The following RALYL variants were observed in gnomAD, a reference collection of about 807,000 sequenced individuals.
RALYL encodes RNA-binding Raly-like protein.
In RALYL, 29 loss-of-function variants were observed where a neutral mutation model predicts 35.1. That is an observed-to-expected ratio of 0.83 (90% CI 0.61 to 1.13). The LOEUF is 1.13. Among genes scored for constraint, RALYL ranks in the 50% most tolerant of loss-of-function variants. The pLI is 0.00. For synonymous variants in RALYL, 120 were observed against 127.6 expected, an observed-to-expected ratio of 0.94 and a Z score of 0.40; for missense variants, 359 against 360.4, an observed-to-expected ratio of 1.00 and a Z score of 0.03.
At chr8:84,346,482 T>A (rs1247232524) in intron 1 of RALYL, among the ~76,000 whole-genome samples, 2 of 152,118 alleles carry the variant, frequency 1.3e-5, no homozygotes, top group Non-Finnish European at 2.9e-5. Context: ...TAATGCTCTT[T>A]TTTTGAGATG....
chr8:84,862,735 A>G (rs1838377572), intron 6 of RALYL, among the ~76,000 whole-genome samples: 1 of 152,240 alleles, frequency 6.6e-6, no homozygotes, highest in African/African-American at 2.4e-5. Context: ...AGCTTGTGAT[A>G]TATTAAAGTA....
chr8:84,410,248 G>C (rs1436517791), intron 1 of RALYL, among the ~76,000 whole-genome samples: 2 of 151,868 alleles, frequency 1.3e-5, no homozygotes, highest in African/African-American at 4.8e-5. Context: ...CTAGGAATCT[G>C]TACTCTAGAA....
At chr8:84,857,340 T>A (rs1023889138) in intron 5 of RALYL, among the ~76,000 whole-genome samples, 14 of 152,194 alleles carry the variant, frequency 9.2e-5, no homozygotes, top group Admixed American at 7.2e-4. Flanking sequence ...AATATTTTTG[T>A]TAGCATCAAC....
intron 2 of RALYL, among the ~76,000 whole-genome samples, chr8:84,649,727 T>A (rs1828298678): frequency 6.6e-6 from 1 of 152,132 alleles, no homozygotes; most frequent in South Asian, 2.1e-4. Flanking sequence ...TGCCTCCAGC[T>A]TTGTTCTTTT....
At chr8:84,404,085 T>G (rs1320894098) in intron 1 of RALYL, among the ~76,000 whole-genome samples, 9 of 151,366 alleles carry the variant, frequency 5.9e-5, no homozygotes, top group Admixed American at 1.3e-4. Context: ...TCTGAGACAA[T>G]AGGGTTTCTA....
At chr8:84,735,833 AGAGAGAGAG>A (rs1847195325) in intron 2 of RALYL, among the ~76,000 whole-genome samples, 4 of 151,712 alleles carry the variant, frequency 2.6e-5, no homozygotes, top group African/African-American at 9.7e-5. Context: ...AGAGAGAGAG[AGAGAGAGAG>A]AGAGAGAACG....
intron 2 of RALYL, among the ~76,000 whole-genome samples, chr8:84,677,443 A>G (rs1238153627): frequency 6.6e-6 from 1 of 152,214 alleles, no homozygotes; most frequent in Non-Finnish European, 1.5e-5. Context: ...GGGAATAGGA[A>G]TAGATTACCT....
At chr8:84,257,731 A>G (rs1199237780) in intron 1 of RALYL, among the ~76,000 whole-genome samples, 1 of 152,114 alleles carries the variant, frequency 6.6e-6, no homozygotes, top group African/African-American at 2.4e-5. Context: ...TGATTGCATA[A>G]GCTATCTAAC....
chr8:84,659,628 A>G (rs1049664112), intron 2 of RALYL, among the ~76,000 whole-genome samples: 2 of 152,222 alleles, frequency 1.3e-5, no homozygotes, highest in Non-Finnish European at 2.9e-5. Flanking sequence ...AAGAAAGGCT[A>G]TAAAATATGT....
chr8:84,550,340 G>A (rs1343142303), intron 2 of RALYL, among the ~76,000 whole-genome samples: 1 of 151,976 alleles, frequency 6.6e-6, no homozygotes, highest in African/African-American at 2.4e-5. Context: ...AGATATCAAA[G>A]AAGTTGCTAC....
At chr8:84,665,493 T>C (rs1374702743) in intron 2 of RALYL, among the ~76,000 whole-genome samples, 1 of 152,158 alleles carries the variant, frequency 6.6e-6, no homozygotes, top group East Asian at 1.9e-4. Flanking sequence ...AACTCATTAT[T>C]GGTCTAGTCA....
intron 2 of RALYL, among the ~76,000 whole-genome samples, chr8:84,662,909 A>G (rs1049056384): frequency 3.9e-5 from 6 of 152,050 alleles, no homozygotes; most frequent in African/African-American, 1.2e-4. Flanking sequence ...TGCCATGGTG[A>G]TTAGCTGCAC....
chr8:84,698,367 T>C (rs914715319), intron 2 of RALYL, among the ~76,000 whole-genome samples: 7 of 152,136 alleles, frequency 4.6e-5, no homozygotes, highest in African/African-American at 1.4e-4. Context: ...GCTTACATTA[T>C]AAAGCTAACA....
intron 1 of RALYL, among the ~76,000 whole-genome samples, chr8:84,489,207 T>C (rs939378137): frequency 3.3e-5 from 5 of 152,082 alleles, no homozygotes; most frequent in African/African-American, 1.2e-4. Context: ...TATTGGCTTT[T>C]CTTTCTTTTT....
At chr8:84,397,631 T>C (rs2042475804) in intron 1 of RALYL, among the ~76,000 whole-genome samples, 2 of 152,202 alleles carry the variant, frequency 1.3e-5, no homozygotes, top group Non-Finnish European at 2.9e-5. Flanking sequence ...AGCTTCCTTT[T>C]AACTGAATCC....
At chr8:84,916,001 T>TTTC (rs1165083304) in intron 8 of RALYL, among the ~76,000 whole-genome samples, 5 of 152,142 alleles carry the variant, frequency 3.3e-5, no homozygotes, top group African/African-American at 1.2e-4. Context: ...AATCAGCCAT[T>TTTC]TTCTATAGTA....
At chr8:84,345,390 TTCA>T (rs1469542420) in intron 1 of RALYL, among the ~76,000 whole-genome samples, 2 of 152,076 alleles carry the variant, frequency 1.3e-5, no homozygotes, top group Non-Finnish European at 2.9e-5. Context: ...TTAGAAATAC[TTCA>T]TCATGGAAGT....
At chr8:84,272,944 A>G (rs982736875) in intron 1 of RALYL, among the ~76,000 whole-genome samples, 4 of 152,196 alleles carry the variant, frequency 2.6e-5, no homozygotes, top group Non-Finnish European at 5.9e-5. Flanking sequence ...ATACATGTAT[A>G]GAGATGTAGA....
intron 1 of RALYL, among the ~76,000 whole-genome samples, chr8:84,309,477 A>G (rs541077766): frequency 1.1e-4 from 17 of 151,976 alleles, no homozygotes; most frequent in African/African-American, 1.7e-4. Flanking sequence ...TCCTCTCTAT[A>G]ACACTTTTAT....
Sources: allele counts gnomAD v4.1 joint callset (sites outside exome capture counted in the v4.1 genomes callset), GRCh38; gene constraint gnomAD v4.1.1; transcripts MANE v1.5; gene names NCBI Gene and HGNC (gene_info 2026-07-23, HGNC 2026-07-21).